PARG: variants seen among roughly 807,000 people sequenced by gnomAD.
PARG encodes the protein poly(ADP-ribose) glycohydrolase.
Under a neutral mutation model 113.0 loss-of-function variants are expected in PARG, and 35 were observed. The ratio of observed to expected loss-of-function variants is 0.31; its 90% CI spans 0.24 to 0.41. The LOEUF (loss-of-function observed/expected upper bound fraction) is 0.41. Ranked by LOEUF, PARG falls within the 10% of genes least tolerant of loss-of-function variation. The pLI is 1.00. For missense variants in PARG, 797 were observed against 1,169.4 expected, an observed-to-expected ratio of 0.68 and a Z score of 4.64; for synonymous variants, 330 against 409.9, an observed-to-expected ratio of 0.81 and a Z score of 2.36.
At chr10:49,914,377 T>A (rs1343345348) in intron 7 of PARG, among the ~76,000 whole-genome samples, 3 of 152,172 alleles carry the variant, frequency 2.0e-5, no homozygotes, top group Non-Finnish European at 2.9e-5. Flanking sequence ...GTGAAAGACA[T>A]TTAGATTCAA....
rs527295660 is a variant in PARG, at chr10:49,911,922, T to C, written c.1737+3995A>G. Among the ~76,000 whole-genome samples, 5 of 152,352 alleles carry C rather than the reference T, an allele frequency of 3.3e-5. No homozygotes were observed. The South Asian group carries it at 1.0e-3, about 32-fold the overall frequency. ...TCAAAATAAACGTAACTGCAAAATA[T>C]TAATCTTAATACGATGTCAAATTTA... On this transcript the variant is annotated intron_variant, in intron 7 of 17. Coordinates refer to ENST00000616448, the MANE Select transcript of PARG (RefSeq NM_003631.5).
intron 7 of PARG, among the ~76,000 whole-genome samples, chr10:49,887,075 G>T (rs1847530732): frequency 6.6e-6 from 1 of 150,490 alleles, no homozygotes; most frequent in South Asian, 2.1e-4. Context: ...ATAGAAACAG[G>T]GTCTTGCTCT....
In PARG at chr10:49,934,032, G is replaced by A. The variant is rs1166011758; in HGVS notation, c.416C>T (p.Thr139Ile). The change falls in exon 3 of 18, where the codon ACT (threonine) becomes ATT (isoleucine). Residue 139 changes from threonine (T) to isoleucine (I), a missense_variant. Coordinates refer to ENST00000616448, the MANE Select transcript of PARG (RefSeq NM_003631.5). ...VSQLSLDKSPTEKSTQYLNQH... is the reference protein window; with the variant it reads ...VSQLSLDKSPIEKSTQYLNQH... ...GTTCAAATACTGTGTACTTTTTTCA[G>A]TGGGTGACTTATCAAGACTTAGCTG... The A allele has an allele frequency of 1.2e-6, 2 of 1,609,964 alleles. No homozygotes were observed. The highest frequency in any genetic ancestry group is 2.7e-5 in the African/African-American group (2 of 74,824).
At position 49,820,219 on chromosome 10, in the gene PARG, T is replaced by C; in HGVS notation, c.2722A>G (p.Met908Val). ...ATGTGCATGCTGTAAATGTCTCTCA[T>C]CAATTCTGAGTCCCCAAAGGTGAAA... ...VYFTFGDSEL[M>V]RDIYSMHIFL... is the part of the protein sequence containing the mutation. Residue 908 changes from methionine (M) to valine (V), a missense_variant, in exon 17 of 18, where the codon ATG (methionine) becomes GTG (valine). This residue lies in a region of PARG where 194 missense variants were observed against 247.1 expected (regional missense o/e 0.79). Transcript: ENST00000616448. 6.5e-7 allele frequency: 1 copy of C among 1,546,070 alleles called. No individual in the cohort carries two copies. The highest frequency in any genetic ancestry group is 8.8e-7 in the Non-Finnish European group (1 of 1,141,774).
chr10:49,917,546 C>T (rs1361622237), intron 6 of PARG, among the ~76,000 whole-genome samples: 7 of 147,688 alleles, frequency 4.7e-5, no homozygotes, highest in Non-Finnish European at 7.5e-5. Flanking sequence ...TTGGCCTGTA[C>T]GGTGGCTCAC....
chr10:49,832,805 T>C lies in PARG; in HGVS notation c.2645A>G (p.Lys882Arg). The C allele has an allele frequency of 6.5e-7, 1 of 1,529,330 alleles. No homozygotes were observed. The highest frequency in any genetic ancestry group is 8.9e-7 in the Non-Finnish European group (1 of 1,128,106). The allele number at this position is 1,529,330 out of a possible 1,614,324, so 94.7% of individuals were successfully genotyped here. The stretch of plus-strand genomic sequence containing the variant: ...TATCCTTTTCTACAACAACTTACCT[T>C]TTAACCTGGCATCACCCCCAAAGGC... ...CGAFGGDARL[K>R]ALIQILAAAA... Residue 882 changes from lysine to arginine, a missense_variant and splice_region_variant, in exon 16 of 18, where the codon AAA (lysine) becomes AGA (arginine). Lys to Arg is a conservative substitution (Grantham distance 26). Around this residue, in one of 5 missense-constraint regions of PARG, gnomAD observed 194 missense variants for 247.1 expected, o/e 0.79. Coordinates refer to ENST00000616448, the MANE Select transcript of PARG (RefSeq NM_003631.5).
At chr10:49,891,623 A>ATATATATTTTTT (rs1847807453) in intron 7 of PARG, among the ~76,000 whole-genome samples, 2 of 47,440 alleles carry the variant, frequency 4.2e-5, no homozygotes, top group African/African-American at 2.1e-4. Context: ...ATATATATAT[A>ATATATATTTTTT]TTTTTTTTTT....
intron 16 of PARG, among the ~76,000 whole-genome samples, chr10:49,832,150 T>C (rs893652908): frequency 1.3e-5 from 2 of 152,230 alleles, no homozygotes; most frequent in African/African-American, 2.4e-5. Flanking sequence ...ATAGCTTTGT[T>C]GATCGGATTT....
intron 7 of PARG, among the ~76,000 whole-genome samples, chr10:49,892,401 A>G (rs1175596567): frequency 4.6e-5 from 7 of 152,160 alleles, no homozygotes; most frequent in African/African-American, 1.7e-4. Flanking sequence ...ATAAACACAC[A>G]GTTTTGTGTT....
In PARG at chr10:49,828,107, A is replaced by AC. The variant is rs1564594743; in HGVS notation, c.2647+4695_2647+4696insG. On this transcript the variant is annotated intron_variant, in intron 16 of 17. Coordinates refer to ENST00000616448, the MANE Select transcript of PARG (RefSeq NM_003631.5). Reference sequence around the variant, plus strand: ...AAAGCTTAAACAAAAAAAAAAAAAAAAAAAAAAAAAAAAAAGCTCCTTCTA... The same window carrying AC: ...AAAGCTTAAACAAAAAAAAAAAAAAACAAAAAAAAAAAAAAAGCTCCTTCTA... Among the ~76,000 whole-genome samples, 4 of 147,550 alleles carry AC rather than the reference A, an allele frequency of 2.7e-5. No homozygotes were observed. The East Asian group carries it at 5.9e-4, about 22-fold the overall frequency.
At chr10:49,905,287 T>C (rs1365056350) in intron 7 of PARG, among the ~76,000 whole-genome samples, 5 of 152,274 alleles carry the variant, frequency 3.3e-5, no homozygotes, top group African/African-American at 1.2e-4. Flanking sequence ...AGGTTTGGAA[T>C]CCTAGAGTAA....
At chr10:49,916,957 C>A (rs1376163789) in intron 6 of PARG, among the ~76,000 whole-genome samples, 3 of 152,090 alleles carry the variant, frequency 2.0e-5, no homozygotes, top group African/African-American at 7.2e-5. Flanking sequence ...AAAATTAATA[C>A]TCTGTCAAAG....
intron 1 of PARG, among the ~76,000 whole-genome samples, chr10:49,936,948 T>C (rs1171170816): frequency 6.6e-6 from 1 of 152,240 alleles, no homozygotes; most frequent in African/African-American, 2.4e-5. Flanking sequence ...GTTTCAAAAA[T>C]AGTTTAATAG....
Position 49,927,046 on chromosome 10 carries a change from C to T in PARG, c.1456-4377G>A, listed in dbSNP as rs113256731. 9.5e-3 allele frequency among the ~76,000 whole-genome samples: 1,439 copies of T among 152,158 alleles called. 14 individuals are homozygous for T. The highest frequency in any genetic ancestry group is 0.03 in the African/African-American group (1,245 of 41,514). ...AACCTGGGCCGGGGGTGGTGGCTCACGCCTGTAATCCCAGCACTTTGGGAG... is the reference window on the plus strand; with the variant it reads ...AACCTGGGCCGGGGGTGGTGGCTCATGCCTGTAATCCCAGCACTTTGGGAG... On this transcript the variant is annotated intron_variant, in intron 4 of 17. Transcript: ENST00000616448.
At chr10:49,853,335 C>G (rs1420115995) in intron 13 of PARG, among the ~76,000 whole-genome samples, 1 of 151,726 alleles carries the variant, frequency 6.6e-6, no homozygotes, top group Non-Finnish European at 1.5e-5. Context: ...TGCACCCAGC[C>G]GGAATAACAA....
intron 11 of PARG, among the ~76,000 whole-genome samples, chr10:49,862,340 A>C (rs1278542938): frequency 4.6e-5 from 7 of 151,368 alleles, no homozygotes; most frequent in Non-Finnish European, 7.4e-5. Flanking sequence ...CTGATCACTT[A>C]CTGAATAAAA....
chr10:49,934,216 T>A (rs1226107843), intron 2 of PARG, 53 bp from the exon 3 acceptor site: 1 of 740,822 alleles, frequency 1.3e-6, no homozygotes, highest in African/African-American at 1.8e-5. Flanking sequence ...AAAAGTCACT[T>A]ATCCAATCAT....
intron 4 of PARG, among the ~76,000 whole-genome samples, chr10:49,924,722 CAGACTCTTTATAGCAATTA>C (rs1235232298): frequency 1.3e-5 from 2 of 151,482 alleles, no homozygotes; most frequent in Non-Finnish European, 2.9e-5. Context: ...ACTGACAAGG[CAGACTCTTTATAGCAATTA>C]AGATACCAAC....
At chr10:49,887,608 G>C (rs1317018116) in intron 7 of PARG, among the ~76,000 whole-genome samples, 2 of 152,078 alleles carry the variant, frequency 1.3e-5, no homozygotes, top group African/African-American at 4.8e-5. Context: ...TCAAGTTATT[G>C]CAAGTATCAA....
Sources: allele counts gnomAD v4.1 joint callset (sites outside exome capture counted in the v4.1 genomes callset), GRCh38; gene constraint gnomAD v4.1.1; regional missense constraint gnomAD v4.1.1; transcripts MANE v1.5; gene names NCBI Gene and HGNC (gene_info 2026-07-23, HGNC 2026-07-21).